Variants in SYNE1 observed in about 807,000 individuals in gnomAD.
The protein encoded by SYNE1 is nesprin-1.
In SYNE1, 616 loss-of-function variants were observed where a neutral mutation model predicts 1,111.0. The ratio of observed to expected loss-of-function variants is 0.55; its 90% CI spans 0.52 to 0.59. The LOEUF (loss-of-function observed/expected upper bound fraction) is 0.59. Among genes scored for constraint, SYNE1 ranks in the 20% least tolerant of loss-of-function variants. The probability of loss-of-function intolerance (pLI) is 0.00; values close to 1 mark genes in which losing one functional copy is unlikely to be tolerated. For missense variants in SYNE1, 10,006 were observed against 10,417.0 expected, an observed-to-expected ratio of 0.96 and a Z score of 1.72; for synonymous variants, 3,855 against 3,825.8, an observed-to-expected ratio of 1.01 and a Z score of -0.28.
Position 152,311,559 on chromosome 6 carries a change from T to C in SYNE1, c.16711-686A>G, listed in dbSNP as rs374790943. Among the ~76,000 whole-genome samples the C allele has an allele frequency of 7.9e-5, 12 of 152,200 alleles. No homozygotes were observed. The East Asian group carries it at 1.4e-3, about 17-fold the overall frequency. On this transcript the variant is annotated intron_variant, in intron 87 of 145. Coordinates refer to ENST00000367255, the MANE Select transcript of SYNE1 (RefSeq NM_182961.4). ...AGAGATGACTGCAACTTGGGGAAGATTGGGAGAAGGTCTCCGGGAAGAATC... is the reference window on the plus strand; with the variant it reads ...AGAGATGACTGCAACTTGGGGAAGACTGGGAGAAGGTCTCCGGGAAGAATC...
chr6:152,256,869 T>C (rs1342999433), intron 101 of SYNE1, 104 bp from the exon 102 acceptor site: 5 of 1,541,550 alleles, frequency 3.2e-6, no homozygotes, highest in Non-Finnish European at 3.5e-6. Flanking sequence ...ACTGTCCATA[T>C]GAAAATTTCT....
At chr6:152,218,007 A>AGGAGATTG (rs2079157427) in intron 121 of SYNE1, among the ~76,000 whole-genome samples, 1 of 152,006 alleles carries the variant, frequency 6.6e-6, no homozygotes, top group Non-Finnish European at 1.5e-5. Context: ...TGATCAGTTC[A>AGGAGATTG]AGACCAGTGA....
intron 3 of SYNE1, among the ~76,000 whole-genome samples, chr6:152,573,049 C>A (rs1022034016): frequency 2.0e-5 from 3 of 152,022 alleles, no homozygotes; most frequent in African/African-American, 7.2e-5. Context: ...TGTTGAATAT[C>A]CTCAGGCAAT....
At chr6:152,249,839 T>C (rs1373845190) in intron 104 of SYNE1, among the ~76,000 whole-genome samples, 1 of 152,210 alleles carries the variant, frequency 6.6e-6, no homozygotes, top group Non-Finnish European at 1.5e-5. Flanking sequence ...GTTAGGTATT[T>C]TGTTCAAAAA....
intron 3 of SYNE1, chr6:152,546,139 C>T (rs1319386632): frequency 2.0e-5 from 3 of 152,096 alleles, no homozygotes; most frequent in Admixed American, 6.6e-5. Context: ...TGCATATCTA[C>T]AATTACTAAA....
rs756776662 is a variant in SYNE1 at position 152,219,141 on chromosome 6, A to G, written c.21906T>C (p.Phe7302=). The change falls in exon 120 of 146, where the codon TTT becomes TTC. Residue 7302 remains phenylalanine (F), a synonymous_variant. Coordinates refer to ENST00000367255, the MANE Select transcript of SYNE1 (RefSeq NM_182961.4). The stretch of plus-strand genomic sequence containing the variant: ...TCAGTTGCTCTCCCAGCTCATGGAG[A>G]AAAAAGAGGGAATCTTTAACTGTGC... ...GLGTVKDSLF[F]LHELGEQLKQ... is the part of the protein sequence containing the mutation. 28 of 1,613,976 alleles carry G rather than the reference A, an allele frequency of 1.7e-5. No individual in the cohort carries two copies. Among genetic ancestry groups the G allele is most frequent in the African/African-American group, 6.7e-5 (5 of 74,918 alleles).
At chr6:152,583,837 C>T (rs941964638) in intron 3 of SYNE1, among the ~76,000 whole-genome samples, 2 of 152,104 alleles carry the variant, frequency 1.3e-5, no homozygotes, top group African/African-American at 2.4e-5. Flanking sequence ...GGTGGGCCTG[C>T]GGCAGAGAGT....
intron 66 of SYNE1, among the ~76,000 whole-genome samples, chr6:152,356,086 T>A (rs1411604146): frequency 6.6e-6 from 1 of 152,152 alleles, no homozygotes; most frequent in East Asian, 1.9e-4. Context: ...TATAATTATT[T>A]TCCTAATTCA....
intron 97 of SYNE1, 95 bp downstream of exon 97, chr6:152,281,712 T>C (rs1331206931): frequency 2.2e-6 from 3 of 1,340,218 alleles, no homozygotes; most frequent in East Asian, 4.7e-5. Context: ...GGAAAAATCA[T>C]ATATCCACAC....
intron 3 of SYNE1, among the ~76,000 whole-genome samples, chr6:152,559,528 A>G (rs2099387715): frequency 6.6e-6 from 1 of 152,344 alleles, no homozygotes; most frequent in South Asian, 2.1e-4. Flanking sequence ...TAAACAATTC[A>G]TTGAACAATC....
chr6:152,306,158 T>G (rs1470591257), intron 91 of SYNE1, among the ~76,000 whole-genome samples: 1 of 152,102 alleles, frequency 6.6e-6, no homozygotes, highest in Admixed American at 6.6e-5. Context: ...TAAGTTCAGT[T>G]TTTTTGTCAG....
chr6:152,359,310 C>T lies in SYNE1; in HGVS notation c.10443+5G>A, dbSNP rs557835636. 3.4e-5 allele frequency: 55 copies of T among 1,613,722 alleles called. No individual in the cohort carries two copies. Among genetic ancestry groups the T allele is most frequent in the Middle Eastern group, 3.5e-4 (2 of 5,790 alleles). On this transcript the variant is annotated splice_donor_5th_base_variant and intron_variant, in intron 65 of 145. Transcript: ENST00000367255. ...TGAGTCTACAAGGAAAGTGCTTTGC[C>T]GTACCTTGGCCCTCTCTTGGATGGC...
intron 115 of SYNE1, among the ~76,000 whole-genome samples, chr6:152,229,855 A>G (rs1341202444): frequency 1.3e-5 from 2 of 152,244 alleles, no homozygotes; most frequent in Non-Finnish European, 2.9e-5. Flanking sequence ...CCGAGGAAAT[A>G]GGATTATGCG....
rs144173352 is a variant in SYNE1, at chr6:152,326,084, G to A, written c.15312C>T (p.His5104=). The A allele has an allele frequency of 3.0e-5, 48 of 1,613,952 alleles. No individual in the cohort carries two copies. The highest frequency in any genetic ancestry group is 1.6e-4 in the Middle Eastern group (1 of 6,062). ...CCTCTTCCCTTGCTTTCTGGTAATC[G>A]TGCCATTGAGCTGTGCATCTTGAAA... ...DLLQRCTAQW[H]DYQKAREEVI... The change falls in exon 80 of 146, where the codon CAC becomes CAT. Residue 5104 remains histidine, a synonymous_variant. Transcript: ENST00000367255.
chr6:152,478,887 A>G (rs2098855290), intron 14 of SYNE1, among the ~76,000 whole-genome samples: 2 of 152,262 alleles, frequency 1.3e-5, no homozygotes, highest in African/African-American at 4.8e-5. Context: ...TTTCACCGGC[A>G]TTGTGTTTTT....
chr6:152,230,253 A>T (rs1409215953), intron 115 of SYNE1, among the ~76,000 whole-genome samples: 3 of 152,120 alleles, frequency 2.0e-5, no homozygotes, highest in African/African-American at 7.2e-5. Context: ...CCAGGCTGCA[A>T]ATCTTGACAA....
rs1207031366 is a variant in SYNE1, at chr6:152,208,666, C to T, written c.22590-460G>A. On this transcript the variant is annotated intron_variant, in intron 124 of 145. Transcript: ENST00000367255. ...TCTGTCTTCAGTTCGAATCATAAGC[C>T]ACTTGAATCAAATTATGTAATTTAA... Among the ~76,000 whole-genome samples, 4 of 152,134 alleles carry T rather than the reference C, an allele frequency of 2.6e-5. No homozygotes were observed. In the East Asian group the frequency reaches 5.8e-4, roughly 22 times the overall value.
intron 3 of SYNE1, among the ~76,000 whole-genome samples, chr6:152,595,237 C>T (rs2099577603): frequency 6.6e-6 from 1 of 152,328 alleles, no homozygotes; most frequent in African/African-American, 2.4e-5. Context: ...AAACACATAT[C>T]CTCACCCTTG....
At chr6:152,385,626 C>A in intron 55 of SYNE1, 48 bp downstream of exon 55, 1 of 1,602,474 alleles carries the variant, frequency 6.2e-7, no homozygotes, top group South Asian at 1.1e-5. Context: ...CAAAAGTACT[C>A]AAGAAGGAAT....
Sources: allele counts gnomAD v4.1 joint callset (sites outside exome capture counted in the v4.1 genomes callset), GRCh38; gene constraint gnomAD v4.1.1; transcripts MANE v1.5; gene names NCBI Gene and HGNC (gene_info 2026-07-23, HGNC 2026-07-21).